The following CSPP1 variants were observed in gnomAD, a reference collection of about 807,000 sequenced individuals.
CSPP1 encodes centrosome and spindle pole associated protein 1.
A neutral mutation model predicts 164.4 loss-of-function variants in CSPP1; 126 were observed. That is an observed-to-expected ratio of 0.77 (90% CI 0.66 to 0.89). The LOEUF is 0.89. CSPP1 is among the 40% of genes least tolerant of loss of function. CSPP1 has a pLI of 0.00. For synonymous variants in CSPP1, 472 were observed against 476.7 expected, an observed-to-expected ratio of 0.99 and a Z score of 0.13; for missense variants, 1,395 against 1,449.8, an observed-to-expected ratio of 0.96 and a Z score of 0.61.
At chr8:67,097,335 T>G (rs886992488) in intron 7 of CSPP1, among the ~76,000 whole-genome samples, 4 of 152,230 alleles carry the variant, frequency 2.6e-5, no homozygotes, top group African/African-American at 4.8e-5. Context: ...GTAGCTGTTA[T>G]GTCCTCACAC....
chr8:67,195,324 TTA>T, intron 30 of CSPP1, 56 bp from the exon 31 acceptor site: 1 of 1,055,222 alleles, frequency 9.5e-7, no homozygotes, highest in South Asian at 1.3e-5. Context: ...AGACCTGCGC[TTA>T]TGTCTCCTGC....
At chr8:67,190,892 TGC>T in intron 29 of CSPP1, 133 bp downstream of exon 29, 1 of 652,222 alleles carries the variant, frequency 1.5e-6, no homozygotes. Context: ...ATCTAGGCTC[TGC>T]CTTGACTGGA....
At chr8:67,090,681 C>T (rs7841884) in intron 4 of CSPP1, among the ~76,000 whole-genome samples, 18,761 of 152,130 alleles carry the variant, frequency 0.12, 2,267 homozygotes, top group African/African-American at 0.31. Flanking sequence ...CGTTGTTTTG[C>T]GGTTATTTGC....
chr8:67,193,737 T>C (rs1163669422), intron 30 of CSPP1, 135 bp downstream of exon 30: 4 of 645,648 alleles, frequency 6.2e-6, no homozygotes, highest in Non-Finnish European at 7.5e-6. Flanking sequence ...GCCCAAGACA[T>C]AGTAACTATT....
In CSPP1 at chr8:67,159,856, CTTTCTT is replaced by C. The variant is rs1563710830; in HGVS notation, c.2538+721_2538+726del. Among the ~76,000 whole-genome samples, 205 of 21,092 alleles carry C rather than the reference CTTTCTT, an allele frequency of 9.7e-3. 12 individuals carry two copies. The highest frequency in any genetic ancestry group is 0.013 in the South Asian group (6 of 466). The allele number at this position is 21,092 out of a possible 152,430, so 13.8% of individuals were successfully genotyped here. A position where few individuals can be genotyped will look rare whatever the true frequency, so the allele number is the denominator to read the frequency against. ...TTTCTTTCTTTCTTTCTTTCTTTTTCTTTCTTTCTTTCTTTCTTTCTTTCTTTCTTT... is the reference window on the plus strand; with the variant it reads ...TTTCTTTCTTTCTTTCTTTCTTTTTCTCTTTCTTTCTTTCTTTCTTTCTTT... On this transcript the variant is annotated intron_variant, in intron 21 of 30. Coordinates refer to ENST00000678616, the MANE Select transcript of CSPP1 (RefSeq NM_001382391.1).
Position 67,190,709 on chromosome 8 carries a change from T to G in CSPP1, c.3280T>G (p.Leu1094Val), listed in dbSNP as rs529267153. ...EDDVLPPPSQ[L>V]PSARERRRNK... Reference sequence around the variant, plus strand: ...TGACGTCCTCCCTCCACCATCACAGTTGCCCTCTGCACGGGAGCGCAGGAG... The same window carrying G: ...TGACGTCCTCCCTCCACCATCACAGGTGCCCTCTGCACGGGAGCGCAGGAG... Residue 1094 changes from leucine to valine, a missense_variant, in exon 29 of 31, where the codon TTG (leucine) becomes GTG (valine). By Grantham distance (32) the Leu-to-Val change is conservative. Coordinates refer to ENST00000678616, the MANE Select transcript of CSPP1 (RefSeq NM_001382391.1). The G allele has an allele frequency of 6.2e-7, 1 of 1,613,972 alleles. No homozygotes were observed. Among genetic ancestry groups the G allele is most frequent in the Non-Finnish European group, 8.5e-7 (1 of 1,180,004 alleles).
chr8:67,092,761 C>G (rs139714043), intron 5 of CSPP1, among the ~76,000 whole-genome samples: 1 of 152,052 alleles, frequency 6.6e-6, no homozygotes, highest in Non-Finnish European at 1.5e-5. Flanking sequence ...TTCTTTAGTA[C>G]TTTTTTAGAT....
At chr8:67,193,043 T>G (rs544162518) in intron 29 of CSPP1, among the ~76,000 whole-genome samples, 16 of 152,364 alleles carry the variant, frequency 1.1e-4, no homozygotes, top group South Asian at 6.2e-4. Flanking sequence ...AGCCATAATA[T>G]ACGTGCTCTA....
At chr8:67,152,079 T>G (rs1586550698) in intron 18 of CSPP1, among the ~76,000 whole-genome samples, 1 of 115,600 alleles carries the variant, frequency 8.7e-6, no homozygotes, top group Non-Finnish European at 1.6e-5. Context: ...AGAGTGAGAC[T>G]CCATCTCAAA....
intron 28 of CSPP1, among the ~76,000 whole-genome samples, chr8:67,188,397 GGTA>G (rs972362748): frequency 5.3e-5 from 8 of 152,096 alleles, no homozygotes; most frequent in African/African-American, 1.9e-4. Context: ...CAACCAATCA[GGTA>G]GTAAAGAGGG....
chr8:67,115,984 G>GA lies in CSPP1; in HGVS notation c.1360dup (p.Ile454AsnfsTer29). On this transcript the variant is annotated frameshift_variant, in exon 13 of 31. Coordinates refer to ENST00000678616, the MANE Select transcript of CSPP1 (RefSeq NM_001382391.1). LOFTEE classifies it high-confidence loss of function. ...GAGATGATACCACCTGAAAGACCCA[G>GA]AATAGCTTTCCAGACACCTCTCCCT... 5.6e-6 allele frequency: 9 copies of GA among 1,613,954 alleles called. No homozygotes were observed. The highest frequency in any genetic ancestry group is 7.6e-6 in the Non-Finnish European group (9 of 1,179,942).
intron 22 of CSPP1, 115 bp downstream of exon 22, chr8:67,162,030 A>G (rs912863168): frequency 3.0e-6 from 2 of 668,694 alleles, no homozygotes; most frequent in Admixed American, 2.5e-5. Flanking sequence ...CAGATCTGAA[A>G]TATAGGTGAT....
chr8:67,098,821 C>T (rs1813403124), intron 7 of CSPP1, among the ~76,000 whole-genome samples: 1 of 151,766 alleles, frequency 6.6e-6, no homozygotes, highest in Non-Finnish European at 1.5e-5. Flanking sequence ...TCTTAATACC[C>T]AAAGAAACCA....
rs748994377 is a variant in CSPP1, at chr8:67,118,292, C to A, written c.1541C>A (p.Thr514Asn). 17 of 1,613,156 alleles carry A rather than the reference C, an allele frequency of 1.1e-5. No homozygotes were observed. Among genetic ancestry groups the A allele is most frequent in the Non-Finnish European group, 1.3e-5 (15 of 1,179,294 alleles). Residue 514 changes from threonine to asparagine, a missense_variant, in exon 14 of 31, where the codon ACT becomes AAT. By Grantham distance (65) the Thr-to-Asn change is moderately conservative (BLOSUM62 0). Coordinates refer to ENST00000678616, the MANE Select transcript of CSPP1 (RefSeq NM_001382391.1). ...CCTCCCCTACTACCACCTTTGGCTACTAACTATCGAACTCCTTATGATGAT... is the reference window on the plus strand; with the variant it reads ...CCTCCCCTACTACCACCTTTGGCTAATAACTATCGAACTCCTTATGATGAT... ...PPPPLLPPLA[T>N]NYRTPYDDAY...
intron 1 of CSPP1, chr8:67,065,076 C>T (rs1448621301): frequency 1.3e-5 from 2 of 153,474 alleles, no homozygotes; most frequent in African/African-American, 4.8e-5. Context: ...TCCCCGAGCG[C>T]CTTTCTTGCC....
chr8:67,185,123 AC>A (rs1289009404), intron 28 of CSPP1, among the ~76,000 whole-genome samples: 17 of 141,888 alleles, frequency 1.2e-4, no homozygotes, highest in African/African-American at 4.6e-4. Flanking sequence ...AAAAACAAAA[AC>A]AAACAAACAA....
chr8:67,094,765 G>A (rs1406533125), intron 6 of CSPP1, among the ~76,000 whole-genome samples: 2 of 152,030 alleles, frequency 1.3e-5, no homozygotes, highest in Admixed American at 6.6e-5. Flanking sequence ...TCAAGATAAC[G>A]AGCGTATCCT....
At chr8:67,194,698 AAAAG>A (rs1837409754) in intron 30 of CSPP1, among the ~76,000 whole-genome samples, 1 of 151,466 alleles carries the variant, frequency 6.6e-6, no homozygotes. Flanking sequence ...AAAAAAAAAA[AAAAG>A]AATATGATAT....
chr8:67,177,108 T>C (rs1449923510), intron 26 of CSPP1, among the ~76,000 whole-genome samples: 2 of 148,638 alleles, frequency 1.3e-5, no homozygotes, highest in African/African-American at 4.9e-5. Flanking sequence ...ATGGCCTCAC[T>C]ATAAACAATC....
Sources: gnomAD v4.1 joint callset for allele counts (sites outside exome capture counted in the v4.1 genomes callset) on GRCh38, gnomAD v4.1.1 for gene constraint, MANE v1.5 for transcripts, NCBI Gene and HGNC (gene_info 2026-07-23, HGNC 2026-07-21) for gene names.